The following RUNX1 variants were observed in gnomAD, a reference collection of about 807,000 sequenced individuals.
RUNX1 encodes RUNX family transcription factor 1.
RUNX1 carries 19 observed loss-of-function variants against 42.8 expected under a neutral mutation model. That is an observed-to-expected ratio of 0.44 (90% confidence interval 0.31 to 0.65). The LOEUF (loss-of-function observed/expected upper bound fraction) is 0.65, where lower values mean the gene tolerates loss of function less well. Ranked by LOEUF, RUNX1 falls within the 30% of genes least tolerant of loss-of-function variation. RUNX1 has a pLI of 0.07. For missense variants in RUNX1, 528 were observed against 672.0 expected, an observed-to-expected ratio of 0.79 and a Z score of 2.37; for synonymous variants, 271 against 289.4, an observed-to-expected ratio of 0.94 and a Z score of 0.64.
intron 7 of RUNX1, among the ~76,000 whole-genome samples, chr21:34,817,627 A>G (rs2056845790): frequency 6.6e-6 from 1 of 152,128 alleles, no homozygotes; most frequent in African/African-American, 2.4e-5. Flanking sequence ...CCCCCAAGAC[A>G]TGGCCACTAC....
intron 2 of RUNX1, among the ~76,000 whole-genome samples, chr21:35,030,015 C>G (rs1452685649): frequency 6.6e-6 from 1 of 152,226 alleles, no homozygotes; most frequent in Non-Finnish European, 1.5e-5. Context: ...AAATGACCCC[C>G]TTCCTCCTCA....
rs537391698 is a variant in RUNX1 at position 34,857,057 on chromosome 21, G to A, written c.613+2417C>T. On this transcript the variant is annotated intron_variant, in intron 6 of 8. Coordinates refer to ENST00000675419, the MANE Select transcript of RUNX1 (RefSeq NM_001754.5). The stretch of plus-strand genomic sequence containing the variant: ...ATTACCCAAGTCAACCTGGGAGTCT[G>A]CATGCACTTGGCTTTTTTCTAGAAG... 2.0e-5 allele frequency among the ~76,000 whole-genome samples: 3 copies of A among 152,304 alleles called. No homozygotes were observed. In the South Asian group the frequency reaches 6.2e-4, roughly 32 times the overall value.
At chr21:34,849,287 T>TAA (rs1263965888) in intron 6 of RUNX1, among the ~76,000 whole-genome samples, 1 of 60,806 alleles carries the variant, frequency 1.6e-5, no homozygotes, top group African/African-American at 6.4e-5. Flanking sequence ...ATAATATATA[T>TAA]TATATATAAA....
At chr21:34,916,180 A>C (rs1014189116) in intron 2 of RUNX1, among the ~76,000 whole-genome samples, 1 of 152,196 alleles carries the variant, frequency 6.6e-6, no homozygotes, top group Non-Finnish European at 1.5e-5. Context: ...TTGGTATTGC[A>C]TGTCAGACAC....
At chr21:35,001,938 G>A (rs893267609) in intron 2 of RUNX1, among the ~76,000 whole-genome samples, 1 of 151,938 alleles carries the variant, frequency 6.6e-6, no homozygotes, top group Non-Finnish European at 1.5e-5. Context: ...TTTAAACAAG[G>A]AGGCAAAAGA....
At chr21:34,993,611 G>GCA (rs754733110) in intron 2 of RUNX1, among the ~76,000 whole-genome samples, 2 of 15,336 alleles carry the variant, frequency 1.3e-4, no homozygotes, top group African/African-American at 5.7e-4. Context: ...GCACACACAG[G>GCA]CACACACACA....
At chr21:35,047,557 ACACACTCTCTCTCTCT>A (rs1196055585) in intron 2 of RUNX1, among the ~76,000 whole-genome samples, 158 of 75,798 alleles carry the variant, frequency 2.1e-3, no homozygotes, top group East Asian at 0.01. Flanking sequence ...ACACACACAC[ACACACTCTCTCTCTCT>A]CTCTCTCTCT....
At chr21:34,812,087 A>C (rs1216435241) in intron 7 of RUNX1, among the ~76,000 whole-genome samples, 1 of 152,062 alleles carries the variant, frequency 6.6e-6, no homozygotes, top group Non-Finnish European at 1.5e-5. Context: ...TAAGAGGCTA[A>C]AATGTTCCCT....
At chr21:34,886,355 A>C (rs750339158) in intron 4 of RUNX1, among the ~76,000 whole-genome samples, 12 of 152,234 alleles carry the variant, frequency 7.9e-5, no homozygotes, top group Non-Finnish European at 1.6e-4. Flanking sequence ...GGGGAAAAAA[A>C]ATCCCTGACA....
intron 3 of RUNX1, among the ~76,000 whole-genome samples, chr21:34,891,452 GAATGGA>G (rs1439039145): frequency 6.6e-6 from 1 of 152,178 alleles, no homozygotes; most frequent in Non-Finnish European, 1.5e-5. Flanking sequence ...GATCTAAAAT[GAATGGA>G]AAGAGGCAGG....
At chr21:35,049,012 T>C (rs1479635724) in intron 1 of RUNX1, 54 bp from the exon 2 acceptor site, 5 of 863,332 alleles carry the variant, frequency 5.8e-6, no homozygotes, top group Non-Finnish European at 7.9e-6. Context: ...CCTCTAGCCC[T>C]ACATCTCTCT....
intron 2 of RUNX1, among the ~76,000 whole-genome samples, chr21:34,930,466 G>C (rs745944447): frequency 6.6e-6 from 1 of 151,644 alleles, no homozygotes; most frequent in South Asian, 2.1e-4. Flanking sequence ...GACCACAACT[G>C]AGCACAGCAA....
At chr21:34,888,259 C>A (rs566079450) in intron 3 of RUNX1, 21 of 1,067,176 alleles carry the variant, frequency 2.0e-5, no homozygotes, top group Admixed American at 5.3e-5. Flanking sequence ...GCAGGTGGAG[C>A]GGGCCTTGAG....
At chr21:34,930,142 T>G (rs1217302743) in intron 2 of RUNX1, among the ~76,000 whole-genome samples, 1 of 143,208 alleles carries the variant, frequency 7.0e-6, no homozygotes, top group Non-Finnish European at 1.5e-5. Context: ...CATTTAATAT[T>G]AATTTCTTAG....
At chr21:34,886,585 T>TC (rs2057991187) in intron 4 of RUNX1, among the ~76,000 whole-genome samples, 1 of 152,196 alleles carries the variant, frequency 6.6e-6, no homozygotes, top group Admixed American at 6.5e-5. Context: ...CCCGACCGGC[T>TC]CCCAGTGGAT....
chr21:34,858,705 G>C (rs1206380769), intron 6 of RUNX1, among the ~76,000 whole-genome samples: 1 of 152,146 alleles, frequency 6.6e-6, no homozygotes, highest in African/African-American at 2.4e-5. Context: ...TGCTGGGCGG[G>C]GGTGCTGGGC....
chr21:35,040,667 G>T lies in RUNX1; in HGVS notation c.58+8175C>A, dbSNP rs563685940. ...CACACCTGTAATCCCAGCTACTCAG[G>T]AGGCTGAGGCAGGAGAATGGCTGAA... On this transcript the variant is annotated intron_variant, in intron 2 of 8. Transcript: ENST00000675419. Among the ~76,000 whole-genome samples the T allele has an allele frequency of 4.6e-5, 7 of 151,472 alleles. No individual in the cohort carries two copies. In the East Asian group the frequency reaches 1.4e-3, roughly 29 times the overall value.
intron 2 of RUNX1, among the ~76,000 whole-genome samples, chr21:34,952,477 T>C (rs2058615879): frequency 6.6e-6 from 1 of 152,158 alleles, no homozygotes; most frequent in Non-Finnish European, 1.5e-5. Context: ...GAGGTGGCAA[T>C]TTGGCACCAC....
chr21:34,854,841 AG>A lies in RUNX1; in HGVS notation c.613+4632del, dbSNP rs113067345. Among the ~76,000 whole-genome samples the A allele has an allele frequency of 7.5e-4, 114 of 152,232 alleles. 1 individual carries two copies. The highest frequency in any genetic ancestry group is 1.3e-3 in the Non-Finnish European group (87 of 68,008). The stretch of plus-strand genomic sequence containing the variant: ...GACATGGTCATCCTTGCCTGTGAGG[AG>A]GGGGGCAGCTGCAGAGGCCTGTCCT... On this transcript the variant is annotated intron_variant, in intron 6 of 8. Transcript: ENST00000675419.
Sources: allele counts gnomAD v4.1 joint callset (sites outside exome capture counted in the v4.1 genomes callset), GRCh38; gene constraint gnomAD v4.1.1; transcripts MANE v1.5; gene names NCBI Gene and HGNC (gene_info 2026-07-23, HGNC 2026-07-21).